The following RRBP1 variants were observed in gnomAD, a reference collection of about 807,000 sequenced individuals.
The protein encoded by RRBP1 is ribosome binding protein 1, also known as ribosome-binding protein 1.
Under a neutral mutation model 165.2 loss-of-function variants are expected in RRBP1, and 94 were observed. The ratio of observed to expected loss-of-function variants is 0.57; its 90% CI spans 0.48 to 0.68. The LOEUF is 0.68. Among genes scored for constraint, RRBP1 ranks in the 30% least tolerant of loss-of-function variants. The pLI is 0.00. For missense variants in RRBP1, 1,676 were observed against 1,763.0 expected (o/e 0.95, Z 0.88); for synonymous variants, 680 against 714.5 (o/e 0.95, Z 0.77).
chr20:17,631,731 G>T (rs1389944495), intron 8 of RRBP1, among the ~76,000 whole-genome samples: 1 of 152,204 alleles, frequency 6.6e-6, no homozygotes, highest in Non-Finnish European at 1.5e-5. Context: ...AGGCAATGAG[G>T]GGCAGGGCAC....
At chr20:17,640,981 G>T (rs576688616) in intron 5 of RRBP1, among the ~76,000 whole-genome samples, 1 of 152,340 alleles carries the variant, frequency 6.6e-6, no homozygotes, top group African/African-American at 2.4e-5. Context: ...AGGGAGGCAG[G>T]GAGAGGGCAA....
chr20:17,663,267 T>G (rs1474029026), intron 2 of RRBP1, among the ~76,000 whole-genome samples: 1 of 152,196 alleles, frequency 6.6e-6, no homozygotes. Flanking sequence ...GTTTCCAACT[T>G]CTAAACTCCA....
Position 17,616,023 on chromosome 20 carries a change from G to A in RRBP1, c.3868-14C>T, listed in dbSNP as rs577601291. 78 of 1,601,102 alleles carry A rather than the reference G, an allele frequency of 4.9e-5. 1 individual carries two copies. Among genetic ancestry groups the A allele is most frequent in the South Asian group, 2.6e-4 (24 of 90,668 alleles). ...CTGCGTCTTCAGCTGTGCAAACACC[G>A]CAAACATAACCCGGCAGCCCGGTGA... On this transcript the variant is annotated splice_polypyrimidine_tract_variant and intron_variant, in intron 21 of 24. Transcript: ENST00000377813.
At position 17,621,942 on chromosome 20, in the gene RRBP1, T is replaced by C; in HGVS notation, c.3153A>G (p.Glu1051=). ...KLLSLTQAKE[E]SEKQLCLIEA... is the part of the protein sequence containing the mutation. The stretch of plus-strand genomic sequence containing the variant: ...CAATCAGACAGAGCTGCTTCTCCGA[T>C]TCCTCCTGGGGGGTGGGTGGGGAAG... Residue 1051 remains glutamate (E), a synonymous_variant, in exon 14 of 25, where the codon GAA becomes GAG. Coordinates refer to ENST00000377813, the MANE Select transcript of RRBP1 (RefSeq NM_001365613.2). The C allele has an allele frequency of 1.9e-6, 3 of 1,612,614 alleles. No homozygotes were observed. The highest frequency in any genetic ancestry group is 2.5e-6 in the Non-Finnish European group (3 of 1,179,246).
At chr20:17,628,718 C>G (rs1053145652) in intron 9 of RRBP1, among the ~76,000 whole-genome samples, 2 of 152,278 alleles carry the variant, frequency 1.3e-5, no homozygotes, top group Admixed American at 6.5e-5. Context: ...GGGCCCTGTG[C>G]TGGCCTCTGC....
rs374785645 is a variant in RRBP1 at position 17,627,466 on chromosome 20, T to C, written c.2928+38A>G. On this transcript the variant is annotated intron_variant, in intron 10 of 24. Transcript: ENST00000377813. ...TAGTCCACCCACCTGCTAGATGGAG[T>C]TCCCTTTCCTCCCCGTGGCCCCAGG... is the stretch of plus-strand genomic sequence containing the variant. 159 of 1,605,466 alleles carry C rather than the reference T, an allele frequency of 9.9e-5. No homozygotes were observed. In the African/African-American group the frequency reaches 1.8e-3, roughly 18 times the overall value.
intron 9 of RRBP1, among the ~76,000 whole-genome samples, chr20:17,628,204 G>A (rs769195658): frequency 5.9e-5 from 9 of 152,046 alleles, no homozygotes; most frequent in Non-Finnish European, 1.2e-4. Context: ...CAGTCCCATG[G>A]GTCTAAGTGT....
At chr20:17,633,364 C>T in intron 8 of RRBP1, 96 bp downstream of exon 8, 1 of 1,362,536 alleles carries the variant, frequency 7.3e-7, no homozygotes, top group Non-Finnish European at 1.0e-6. Flanking sequence ...AAACGGGTGC[C>T]CAGTGTGGCA....
At position 17,659,595 on chromosome 20, in the gene RRBP1, C is replaced by T; in HGVS notation, c.913G>A (p.Ala305Thr). The T allele has an allele frequency of 6.5e-7, 1 of 1,549,422 alleles. No individual in the cohort carries two copies. The highest frequency in any genetic ancestry group is 8.7e-7 in the Non-Finnish European group (1 of 1,146,590). ...AQNQAKKVEG[A>T]QNQGKKAEGA... The stretch of plus-strand genomic sequence containing the variant: ...TCTGCCTTTTTGCCCTGGTTCTGGG[C>T]CCCTTCTACCTTTTTGGCCTGGTTC... The change falls in exon 3 of 25, where the codon GCC becomes ACC. Residue 305 changes from alanine (A) to threonine (T), a missense_variant. Transcript: ENST00000377813.
intron 6 of RRBP1, 87 bp downstream of exon 6, chr20:17,636,490 C>T: frequency 1.3e-6 from 2 of 1,501,402 alleles, no homozygotes; most frequent in Admixed American, 1.7e-5. Context: ...CCTCATGCCT[C>T]ACCCTTTGGG....
chr20:17,618,228 C>A (rs1345470376), intron 20 of RRBP1, among the ~76,000 whole-genome samples: 2 of 152,244 alleles, frequency 1.3e-5, no homozygotes, highest in African/African-American at 4.8e-5. Context: ...CCAGGAGGAA[C>A]CCCCAGGCTT....
chr20:17,678,497 G>GT (rs894148155), intron 2 of RRBP1, among the ~76,000 whole-genome samples: 1 of 152,192 alleles, frequency 6.6e-6, no homozygotes, highest in Non-Finnish European at 1.5e-5. Flanking sequence ...CAGGTGAAGT[G>GT]TATCAACTGC....
intron 1 of RRBP1, among the ~76,000 whole-genome samples, chr20:17,681,039 C>A (rs947250626): frequency 2.0e-5 from 3 of 151,968 alleles, no homozygotes; most frequent in Non-Finnish European, 4.4e-5. Context: ...GGGCGCCCCA[C>A]TGGAAGCGCA....
chr20:17,635,747 C>T (rs2036235806), intron 6 of RRBP1, 83 bp from the exon 7 acceptor site: 3 of 1,033,752 alleles, frequency 2.9e-6, no homozygotes, highest in African/African-American at 3.2e-5. Flanking sequence ...AGTGAAGACA[C>T]AGCCCACAAA....
chr20:17,650,467 C>T (rs556048074), intron 3 of RRBP1, among the ~76,000 whole-genome samples: 1 of 152,306 alleles, frequency 6.6e-6, no homozygotes, highest in South Asian at 2.1e-4. Flanking sequence ...GACAGAAGTG[C>T]CATGTCCCCA....
intron 2 of RRBP1, among the ~76,000 whole-genome samples, chr20:17,677,758 G>A (rs906624814): frequency 1.3e-5 from 2 of 152,118 alleles, no homozygotes; most frequent in Admixed American, 6.5e-5. Flanking sequence ...AGAATCACTT[G>A]AACCCGGGAG....
At chr20:17,673,521 G>C (rs763383225) in intron 2 of RRBP1, among the ~76,000 whole-genome samples, 1 of 152,152 alleles carries the variant, frequency 6.6e-6, no homozygotes, top group Non-Finnish European at 1.5e-5. Context: ...TGATTCTCCT[G>C]CCTCAGCCTC....
chr20:17,656,134 G>A (rs1470364971), intron 3 of RRBP1, among the ~76,000 whole-genome samples: 1 of 152,240 alleles, frequency 6.6e-6, no homozygotes, highest in Non-Finnish European at 1.5e-5. Flanking sequence ...TGGGAAAACA[G>A]GCCTGAGATT....
In RRBP1 at chr20:17,658,307, C is replaced by T. The variant is rs79345017; in HGVS notation, c.1912+289G>A. Among the ~76,000 whole-genome samples, 935 of 152,230 alleles carry T rather than the reference C, an allele frequency of 6.1e-3. 4 individuals carry two copies. The highest frequency in any genetic ancestry group is 0.014 in the Admixed American group (212 of 15,292). Reference sequence around the variant, plus strand: ...CTGCCCTGGAGGGCGCCAGAAGGACCACACATGGAACTGACCTGAGCTCAA... The same window carrying T: ...CTGCCCTGGAGGGCGCCAGAAGGACTACACATGGAACTGACCTGAGCTCAA... On this transcript the variant is annotated intron_variant, in intron 3 of 24. Transcript: ENST00000377813.
Sources: gnomAD v4.1 joint callset for allele counts (sites outside exome capture counted in the v4.1 genomes callset) on GRCh38, gnomAD v4.1.1 for gene constraint, MANE v1.5 for transcripts, NCBI Gene and HGNC (gene_info 2026-07-23, HGNC 2026-07-21) for gene names.